CMYA5: variants seen among roughly 807,000 people sequenced by gnomAD.
CMYA5 encodes the protein cardiomyopathy associated 5.
In CMYA5, 246 loss-of-function variants were observed where a neutral mutation model predicts 318.9. The ratio of observed to expected loss-of-function variants is 0.77; its 90% CI spans 0.70 to 0.86. The LOEUF is 0.86. Ranked by LOEUF, CMYA5 falls within the 40% of genes least tolerant of loss-of-function variation. The pLI is 0.00. For synonymous variants in CMYA5, 1,641 were observed against 1,729.5 expected (o/e 0.95, Z 1.27); for missense variants, 4,589 against 4,678.2 (o/e 0.98, Z 0.56).
rs1024871657 is a variant in CMYA5 at position 79,793,506 on chromosome 5, C to A, written c.11859C>A (p.Asp3953Glu). Reference protein sequence around the residue: ...GQHYWETTVTDCPAYRLGICS... With the variant: ...GQHYWETTVTECPAYRLGICS... The stretch of plus-strand genomic sequence containing the variant: ...ATTACTGGGAAACCACAGTCACAGA[C>A]TGCCCAGCATATCGACTCGGCATCT... The change falls in exon 12 of 13, where the codon GAC (aspartate) becomes GAA (glutamate). Residue 3953 changes from aspartate to glutamate, a missense_variant. Asp to Glu is a conservative substitution (Grantham distance 45). This residue lies in a region of CMYA5 where 2,431 missense variants were observed against 2,495.1 expected (regional missense o/e 0.97). Transcript: ENST00000446378. 6.2e-7 allele frequency: 1 copy of A among 1,613,850 alleles called. No individual in the cohort carries two copies. Among genetic ancestry groups the A allele is most frequent in the African/African-American group, 1.3e-5 (1 of 74,920 alleles).
At chr5:79,754,085 G>T (rs1828482777) in intron 6 of CMYA5, among the ~76,000 whole-genome samples, 1 of 152,208 alleles carries the variant, frequency 6.6e-6, no homozygotes, top group African/African-American at 2.4e-5. Flanking sequence ...GCACATGGCG[G>T]TCCCTGTGGC....
chr5:79,776,833 C>T (rs1171245757), intron 9 of CMYA5, among the ~76,000 whole-genome samples: 1 of 152,104 alleles, frequency 6.6e-6, no homozygotes, highest in Non-Finnish European at 1.5e-5. Context: ...AGTGACGACA[C>T]TAACTGTAGG....
chr5:79,731,096 C>T lies in CMYA5; in HGVS notation c.2331C>T (p.His777=), dbSNP rs373891874. The part of the protein sequence containing the change: ...SPLPSTATSE[H]VVPSEGEDLG... ...TGCCTTCTACTGCCACATCAGAACA[C>T]GTGGTCCCATCAGAAGGAGAGGACC... The change falls in exon 2 of 13, where the codon CAC becomes CAT. Residue 777 remains histidine, a synonymous_variant. Coordinates refer to ENST00000446378, the MANE Select transcript of CMYA5 (RefSeq NM_153610.5). 1.1e-4 allele frequency: 173 copies of T among 1,613,898 alleles called. No homozygotes were observed. The African/African-American group carries it at 1.2e-3, about 11-fold the overall frequency.
rs1448056686 is a variant in CMYA5 at position 79,763,184 on chromosome 5, C to T, written c.11530C>T (p.His3844Tyr). 1.2e-6 allele frequency: 2 copies of T among 1,609,664 alleles called. No individual in the cohort carries two copies. The highest frequency in any genetic ancestry group is 1.7e-6 in the Non-Finnish European group (2 of 1,178,530). ...CTACACTCTGGAGTACTGCAGACAGCACTCTCCTGAGGGAGAGGGCCTCAG... is the reference window on the plus strand; with the variant it reads ...CTACACTCTGGAGTACTGCAGACAGTACTCTCCTGAGGGAGAGGGCCTCAG... Reference protein sequence around the residue: ...ETYTLEYCRQHSPEGEGLRSF... With the variant: ...ETYTLEYCRQYSPEGEGLRSF... The change falls in exon 9 of 13, where the codon CAC (histidine) becomes TAC (tyrosine). Residue 3844 changes from histidine to tyrosine, a missense_variant. This residue lies in a region of CMYA5 where 2,431 missense variants were observed against 2,495.1 expected (regional missense o/e 0.97). Coordinates refer to ENST00000446378, the MANE Select transcript of CMYA5 (RefSeq NM_153610.5).
At chr5:79,704,385 G>A (rs1023111650) in intron 1 of CMYA5, among the ~76,000 whole-genome samples, 1 of 151,956 alleles carries the variant, frequency 6.6e-6, no homozygotes, top group Admixed American at 6.6e-5. Context: ...ACCCAAAGTA[G>A]AGCGACCAGA....
chr5:79,763,252 A>G, intron 9 of CMYA5, 43 bp downstream of exon 9: 1 of 1,513,366 alleles, frequency 6.6e-7, no homozygotes, highest in Non-Finnish European at 8.9e-7. Context: ...AGAGCCCAGT[A>G]ACCAAGCTCT....
Position 79,731,124 on chromosome 5 carries a change from G to A in CMYA5, c.2359G>A (p.Gly787Arg), listed in dbSNP as rs187146762. Residue 787 changes from glycine to arginine, a missense_variant, in exon 2 of 13, where the codon GGA becomes AGA. Coordinates refer to ENST00000446378, the MANE Select transcript of CMYA5 (RefSeq NM_153610.5). ...HVVPSEGEDL[G>R]SERFTPDSKL... ...GGTCCCATCAGAAGGAGAGGACCTA[G>A]GAAGTGAACGTTTCACACCGGATTC... 5.6e-5 allele frequency: 90 copies of A among 1,614,010 alleles called. No homozygotes were observed. The African/African-American group carries it at 1.1e-3, about 19-fold the overall frequency.
chr5:79,747,022 G>T, intron 4 of CMYA5, 69 bp from the exon 5 acceptor site: 1 of 945,960 alleles, frequency 1.1e-6, no homozygotes, highest in Non-Finnish European at 1.6e-6. Context: ...TTGTTAATTA[G>T]CTTCTCTCTC....
rs1279941247 is a variant in CMYA5, at chr5:79,735,111, G to A, written c.6346G>A (p.Ala2116Thr). 2 of 1,613,776 alleles carry A rather than the reference G, an allele frequency of 1.2e-6. No homozygotes were observed. Among genetic ancestry groups the A allele is most frequent in the African/African-American group, 2.7e-5 (2 of 75,016 alleles). ...KMVQSKVIDD[A>T]DEGKKPSPEV... ...GGTTCAGTCAAAGGTTATTGATGAT[G>A]CTGATGAGGGAAAGAAACCATCACC... Residue 2116 changes from alanine (A) to threonine (T), a missense_variant, in exon 2 of 13, where the codon GCT (alanine) becomes ACT (threonine). By Grantham distance (58) the Ala-to-Thr change is moderately conservative. Transcript: ENST00000446378.
Position 79,733,217 on chromosome 5 carries a change from T to C in CMYA5, c.4452T>C (p.Asp1484=). Residue 1484 remains aspartate, a synonymous_variant, in exon 2 of 13, where the codon GAT becomes GAC. Coordinates refer to ENST00000446378, the MANE Select transcript of CMYA5 (RefSeq NM_153610.5). ...AAACATCATCTTCTCAGCATTCAGA[T>C]AAATCTGAGGAAGCAAGGGTAGAAG... ...VIKTSSSQHS[D]KSEEARVEDK... 6.2e-7 allele frequency: 1 copy of C among 1,613,686 alleles called. No individual in the cohort carries two copies. The highest frequency in any genetic ancestry group is 2.2e-5 in the East Asian group (1 of 44,876).
intron 9 of CMYA5, among the ~76,000 whole-genome samples, chr5:79,773,739 C>A (rs939414710): frequency 2.0e-5 from 3 of 152,182 alleles, no homozygotes; most frequent in African/African-American, 7.2e-5. Flanking sequence ...ATTAACCAAT[C>A]TCTTTTTGTC....
chr5:79,792,523 C>T (rs1829198744), intron 11 of CMYA5, among the ~76,000 whole-genome samples: 1 of 152,150 alleles, frequency 6.6e-6, no homozygotes, highest in African/African-American at 2.4e-5. Flanking sequence ...CTGGGCCTTG[C>T]TCCAGAGTGA....
chr5:79,756,451 C>G lies in CMYA5; in HGVS notation c.11111-2302C>G, dbSNP rs183197428. On this transcript the variant is annotated intron_variant, in intron 6 of 12. Transcript: ENST00000446378. ...TCTGTCAGCCACTTTGCTAAGCACT[C>G]GATAGATATTATTTGCTTCCTATAA... 4.8e-3 allele frequency among the ~76,000 whole-genome samples: 731 copies of G among 152,184 alleles called. 5 individuals are homozygous for G. The highest frequency in any genetic ancestry group is 0.015 in the African/African-American group (635 of 41,480).
intron 1 of CMYA5, among the ~76,000 whole-genome samples, chr5:79,703,771 GA>G (rs1055976579): frequency 6.6e-6 from 1 of 152,112 alleles, no homozygotes; most frequent in African/African-American, 2.4e-5. Flanking sequence ...ATCTTTTCTT[GA>G]AAATTATTAA....
chr5:79,697,952 T>C (rs1412701276), intron 1 of CMYA5, among the ~76,000 whole-genome samples: 1 of 152,126 alleles, frequency 6.6e-6, no homozygotes, highest in Non-Finnish European at 1.5e-5. Flanking sequence ...TGTTTAAAAA[T>C]AGACATTAGG....
intron 4 of CMYA5, 56 bp downstream of exon 4, chr5:79,745,511 T>C: frequency 1.9e-6 from 2 of 1,043,566 alleles, no homozygotes; most frequent in Non-Finnish European, 3.0e-6. Context: ...GCACATCTAC[T>C]TTTAAAGCTT....
intron 12 of CMYA5, among the ~76,000 whole-genome samples, chr5:79,796,547 C>T (rs259102): frequency 0.21 from 31,287 of 151,954 alleles, 3,673 homozygotes; most frequent in East Asian, 0.45. Context: ...GCTATAGGCA[C>T]GTGGCACCAC....
Position 79,732,540 on chromosome 5 carries a change from G to C in CMYA5, c.3775G>C (p.Val1259Leu), listed in dbSNP as rs747292680. Reference sequence around the variant, plus strand: ...AAAGAAGGGTGTCAAGCCCAAATTAGTTCTAAATGTGACTTCTGAACTAGA... The same window carrying C: ...AAAGAAGGGTGTCAAGCCCAAATTACTTCTAAATGTGACTTCTGAACTAGA... Reference protein sequence around the residue: ...EPKKGVKPKLVLNVTSELEQR... With the variant: ...EPKKGVKPKLLLNVTSELEQR... The change falls in exon 2 of 13, where the codon GTT becomes CTT. Residue 1259 changes from valine to leucine, a missense_variant. Transcript: ENST00000446378. The C allele has an allele frequency of 4.3e-6, 7 of 1,612,984 alleles. No homozygotes were observed. In the Admixed American group the frequency reaches 1.0e-4, roughly 23 times the overall value.
intron 1 of CMYA5, among the ~76,000 whole-genome samples, chr5:79,708,446 C>A (rs1242568588): frequency 2.6e-5 from 4 of 152,010 alleles, no homozygotes; most frequent in Non-Finnish European, 4.4e-5. Context: ...ACAGTGAAAC[C>A]CTGTCTCTAC....
Sources: gnomAD v4.1 joint callset for allele counts (sites outside exome capture counted in the v4.1 genomes callset) on GRCh38, gnomAD v4.1.1 for gene constraint, gnomAD v4.1.1 regional missense constraint, MANE v1.5 for transcripts, NCBI Gene and HGNC (gene_info 2026-07-23, HGNC 2026-07-21) for gene names.